Variants in ZFHX3 observed in about 807,000 individuals in gnomAD.
The protein encoded by ZFHX3 is zinc finger homeobox 3.
ZFHX3 carries 42 observed loss-of-function variants against 279.1 expected under a neutral mutation model. That is an observed-to-expected ratio of 0.15 (90% confidence interval 0.12 to 0.19). The LOEUF is 0.19. Ranked by LOEUF, ZFHX3 falls within the 10% of genes least tolerant of loss-of-function variation. The pLI, the probability that ZFHX3 is intolerant of heterozygous loss-of-function variation, is 1.00. For synonymous variants in ZFHX3, 2,293 were observed against 1,957.8 expected (o/e 1.17, Z -4.52); for missense variants, 4,981 against 4,754.0 (o/e 1.05, Z -1.40).
At chr16:73,520,264 T>G (rs904674292) in intron 2 of ZFHX3, among the ~76,000 whole-genome samples, 1 of 152,226 alleles carries the variant, frequency 6.6e-6, no homozygotes, top group Admixed American at 6.5e-5. Context: ...ATCCCTGAAA[T>G]CTCATTTTCT....
intron 5 of ZFHX3, among the ~76,000 whole-genome samples, chr16:72,815,478 C>T (rs192331803): frequency 1.3e-5 from 2 of 152,082 alleles, no homozygotes; most frequent in East Asian, 1.9e-4. Flanking sequence ...TATCACAGAC[C>T]ACAGTCAGAG....
rs567613815 is a variant in ZFHX3, at chr16:73,371,986, T to C, written c.-1290-53650A>G. ...TCAGTGCTGCGTTCACATGCACATG[T>C]CACGCGAATTTTTCTACTCTTTCCA... is the stretch of plus-strand genomic sequence containing the variant. On this transcript the variant is annotated intron_variant, in intron 3 of 17. Coordinates refer to the ZFHX3 transcript ENST00000641206. Among the ~76,000 whole-genome samples, 34 of 152,350 alleles carry C rather than the reference T, an allele frequency of 2.2e-4. No individual in the cohort carries two copies. The East Asian group carries it at 3.1e-3, about 14-fold the overall frequency.
At chr16:73,226,161 C>G (rs1444995296) in intron 5 of ZFHX3, among the ~76,000 whole-genome samples, 1 of 152,172 alleles carries the variant, frequency 6.6e-6, no homozygotes, top group Non-Finnish European at 1.5e-5. Context: ...CTATAAATAG[C>G]CATGTAGGCA....
chr16:73,036,113 C>A (rs1964891364), intron 1 of ZFHX3, among the ~76,000 whole-genome samples: 1 of 152,204 alleles, frequency 6.6e-6, no homozygotes, highest in African/African-American at 2.4e-5. Context: ...CCACACAGCA[C>A]ACGCGTGCGC....
intron 1 of ZFHX3, among the ~76,000 whole-genome samples, chr16:73,873,531 T>C (rs1438990415): frequency 1.3e-5 from 2 of 152,150 alleles, no homozygotes; most frequent in African/African-American, 4.8e-5. Flanking sequence ...AAATGACACA[T>C]TCCCTTATGG....
chr16:72,910,704 C>T (rs74028149), intron 3 of ZFHX3, among the ~76,000 whole-genome samples: 4 of 152,062 alleles, frequency 2.6e-5, no homozygotes, highest in Admixed American at 6.6e-5. Flanking sequence ...TCATAACCCT[C>T]GGGAGTTTTT....
intron 1 of ZFHX3, among the ~76,000 whole-genome samples, chr16:73,800,011 C>G (rs905659789): frequency 3.3e-5 from 5 of 151,806 alleles, no homozygotes; most frequent in Non-Finnish European, 7.4e-5. Flanking sequence ...GACCCTGTCT[C>G]TACAAAAAAG....
intron 5 of ZFHX3, among the ~76,000 whole-genome samples, chr16:73,251,796 A>C (rs943183038): frequency 6.8e-4 from 99 of 145,096 alleles, no homozygotes; most frequent in Non-Finnish European, 1.2e-3. Context: ...CACACCATGC[A>C]CACACGCACA....
chr16:73,549,392 GTTC>G (rs1355563159), intron 2 of ZFHX3, among the ~76,000 whole-genome samples: 1 of 151,910 alleles, frequency 6.6e-6, no homozygotes, highest in Non-Finnish European at 1.5e-5. Context: ...GTTAATACAG[GTTC>G]TTTTTTTCTT....
chr16:73,772,908 A>G (rs1204260787), intron 1 of ZFHX3, among the ~76,000 whole-genome samples: 2 of 152,156 alleles, frequency 1.3e-5, no homozygotes, highest in Admixed American at 1.3e-4. Context: ...CATTTCCCAC[A>G]CTGCCACTAC....
At chr16:73,363,485 G>T (rs893540994) in intron 3 of ZFHX3, among the ~76,000 whole-genome samples, 3 of 151,896 alleles carry the variant, frequency 2.0e-5, no homozygotes, top group African/African-American at 4.8e-5. Flanking sequence ...CCCTGAATAT[G>T]CACTCAACGT....
rs1038303469 is a variant in ZFHX3, at chr16:73,244,643, C to A, written c.-1104+12404G>T. On this transcript the variant is annotated intron_variant, in intron 5 of 17. Transcript: ENST00000641206. ...CCTGTGCTCATGGCCATACCAGCCC[C>A]ATGTCCAGCGGGATCCCTTAGTGAC... 2.0e-5 allele frequency among the ~76,000 whole-genome samples: 3 copies of A among 152,214 alleles called. No individual in the cohort carries two copies. In the South Asian group the frequency reaches 6.2e-4, roughly 32 times the overall value.
At chr16:73,117,090 G>A (rs1055125872) in intron 7 of ZFHX3, among the ~76,000 whole-genome samples, 2 of 152,212 alleles carry the variant, frequency 1.3e-5, no homozygotes, top group African/African-American at 2.4e-5. Flanking sequence ...TGAACTAAAG[G>A]TAGTGCTTCA....
intron 2 of ZFHX3, among the ~76,000 whole-genome samples, chr16:73,636,575 C>CAGTT (rs1462593207): frequency 6.6e-6 from 1 of 151,844 alleles, no homozygotes; most frequent in African/African-American, 2.4e-5. Context: ...TTGTAAAATG[C>CAGTT]AGTTAATTTA....
At chr16:73,707,575 C>T (rs2053316939) in intron 1 of ZFHX3, among the ~76,000 whole-genome samples, 2 of 124,550 alleles carry the variant, frequency 1.6e-5, no homozygotes, top group Non-Finnish European at 3.1e-5. Context: ...GAACATCACA[C>T]ACCGGGGACT....
intron 1 of ZFHX3, among the ~76,000 whole-genome samples, chr16:73,777,508 CAAAAAAAAAA>C (rs34744186): frequency 1.1e-3 from 69 of 62,652 alleles, no homozygotes; most frequent in African/African-American, 3.4e-3. Context: ...GACTCTGTCT[CAAAAAAAAAA>C]AAAAAAAAAA....
At position 72,971,878 on chromosome 16, in the gene ZFHX3, ATTTTTTTTTT is replaced by A. The variant is rs34508228; in HGVS notation, c.-49-11694_-49-11685del. ...CATTTCTTTTGTGAACTGCCTATTA[ATTTTTTTTTT>A]TTTTTTTTTTTTTTTGAGACGGAGT... On this transcript the variant is annotated intron_variant, in intron 1 of 9. Transcript: ENST00000268489. Among the ~76,000 whole-genome samples the A allele has an allele frequency of 1.0e-3, 96 of 95,482 alleles. 1 individual carries two copies. The highest frequency in any genetic ancestry group is 3.8e-4 in the Non-Finnish European group (19 of 50,416). The allele number at this position is 95,482 out of a possible 152,430, so 62.6% of individuals were successfully genotyped here.
intron 1 of ZFHX3, among the ~76,000 whole-genome samples, chr16:73,697,353 T>G (rs2053207148): frequency 6.6e-6 from 1 of 152,148 alleles, no homozygotes; most frequent in African/African-American, 2.4e-5. Flanking sequence ...TAAATTCAGG[T>G]ATAAAGACAA....
chr16:73,766,927 C>A (rs1350985615), intron 1 of ZFHX3, among the ~76,000 whole-genome samples: 1 of 147,210 alleles, frequency 6.8e-6, no homozygotes, highest in Non-Finnish European at 1.5e-5. Flanking sequence ...GTGGGTTTTG[C>A]CATTACTTTT....
Sources: gnomAD v4.1 joint callset for allele counts (sites outside exome capture counted in the v4.1 genomes callset) on GRCh38, gnomAD v4.1.1 for gene constraint, MANE v1.5 for transcripts, NCBI Gene and HGNC (gene_info 2026-07-23, HGNC 2026-07-21) for gene names.